The following ATAD2B variants were observed in gnomAD, a reference collection of about 807,000 sequenced individuals.
ATAD2B encodes the protein ATPase family AAA domain containing 2B.
A neutral mutation model predicts 167.6 loss-of-function variants in ATAD2B; 40 were observed. That is an observed-to-expected ratio of 0.24 (90% CI 0.19 to 0.31). The LOEUF is 0.31. Among genes scored for constraint, ATAD2B ranks in the 10% least tolerant of loss-of-function variants. ATAD2B has a pLI of 1.00. For missense variants in ATAD2B, 1,242 were observed against 1,757.2 expected (o/e 0.71, Z 5.24); for synonymous variants, 579 against 596.5 (o/e 0.97, Z 0.43).
chr2:23,853,287 T>C (rs1692860500), intron 13 of ATAD2B, among the ~76,000 whole-genome samples: 1 of 152,222 alleles, frequency 6.6e-6, no homozygotes, highest in Non-Finnish European at 1.5e-5. Flanking sequence ...GAAGTAGAAG[T>C]ACCTTTATTT....
chr2:23,875,866 C>A lies in ATAD2B; in HGVS notation c.940G>T (p.Asp314Tyr). 1 of 1,610,570 alleles carries A rather than the reference C, an allele frequency of 6.2e-7. No individual in the cohort carries two copies. The highest frequency in any genetic ancestry group is 1.1e-5 in the South Asian group (1 of 90,380). Residue 314 changes from aspartate (D) to tyrosine (Y), a missense_variant, in exon 8 of 28, where the codon GAT (aspartate) becomes TAT (tyrosine). Transcript: ENST00000238789. ...HQKKRENTLF[D>Y]IHRSPARRSH... ...CTTCTTGCTGGAGATCTATGAATAT[C>A]AAACAGCGTGTTTTCCCTCTTTTTT...
the ATAD2B span, chr2:23,696,792 A>G: frequency 2.8e-6 from 1 of 351,120 alleles, no homozygotes; most frequent in Non-Finnish European, 5.2e-6. This position sits in a 1 kb window ranked among gnomAD's most constrained non-coding sequence, Gnocchi z 5.5. Flanking sequence ...GACAAGCTGG[A>G]GGCCCAAGAT....
At chr2:23,707,049 A>T in the ATAD2B span, 1 of 161,244 alleles carries the variant, frequency 6.2e-6, no homozygotes, top group Non-Finnish European at 1.3e-5. Flanking sequence ...AACATTAGGC[A>T]TCAGGCTCTC....
At chr2:23,727,688 T>A in the ATAD2B span, among the ~76,000 whole-genome samples, 7 of 152,284 alleles carry the variant, frequency 4.6e-5, no homozygotes, top group South Asian at 1.2e-3. Context: ...GGTGAATGGA[T>A]AACAGACTCT....
At chr2:23,700,836 G>A in the ATAD2B span, among the ~76,000 whole-genome samples, 2 of 152,050 alleles carry the variant, frequency 1.3e-5, no homozygotes, top group African/African-American at 4.8e-5. The surrounding 1 kb of genome is among the most constrained non-coding windows in gnomAD (Gnocchi z 4.6). Flanking sequence ...TCACCTTCAG[G>A]GGCACAGCCA....
At chr2:23,902,254 C>CT (rs928350879) in intron 1 of ATAD2B, among the ~76,000 whole-genome samples, 3 of 152,068 alleles carry the variant, frequency 2.0e-5, no homozygotes, top group South Asian at 2.1e-4. Context: ...GGTATATTTA[C>CT]TTTTTTTGTC....
chr2:23,901,834 A>C (rs993581169), intron 1 of ATAD2B, among the ~76,000 whole-genome samples: 1 of 152,176 alleles, frequency 6.6e-6, no homozygotes, highest in Non-Finnish European at 1.5e-5. Flanking sequence ...ATCTGCAGGT[A>C]CTAGTTTCCC....
chr2:23,760,641 G>T (rs560555545), intron 24 of ATAD2B, among the ~76,000 whole-genome samples: 3 of 147,324 alleles, frequency 2.0e-5, no homozygotes, highest in South Asian at 4.4e-4. Flanking sequence ...TCCAGCCTGG[G>T]CAACAGAGAG....
At chr2:23,883,002 G>T (rs546201780) in intron 6 of ATAD2B, among the ~76,000 whole-genome samples, 2 of 151,624 alleles carry the variant, frequency 1.3e-5, no homozygotes, top group East Asian at 3.9e-4. Context: ...GGCTGGACAT[G>T]GTGGCTTACG....
intron 27 of ATAD2B, among the ~76,000 whole-genome samples, chr2:23,752,672 C>T (rs74800506): frequency 2.0e-5 from 3 of 152,070 alleles, no homozygotes; most frequent in East Asian, 3.9e-4. Flanking sequence ...ACTCCAGAGA[C>T]TGAGCCCTTC....
chr2:23,863,598 T>A, intron 11 of ATAD2B, 43 bp from the exon 12 acceptor site: 2 of 1,475,910 alleles, frequency 1.4e-6, no homozygotes, highest in Non-Finnish European at 1.8e-6. Flanking sequence ...TATATTATCA[T>A]CACTGCTGAT....
chr2:23,861,372 AT>A (rs1460268496), intron 12 of ATAD2B, among the ~76,000 whole-genome samples: 1 of 151,370 alleles, frequency 6.6e-6, no homozygotes, highest in Non-Finnish European at 1.5e-5. Context: ...AGATACAAAC[AT>A]TTTTCTGACA....
intron 22 of ATAD2B, among the ~76,000 whole-genome samples, chr2:23,775,039 G>A (rs980864636): frequency 2.5e-4 from 38 of 152,230 alleles, no homozygotes; most frequent in African/African-American, 8.9e-4. Context: ...AATAAAGGAT[G>A]AGGATAAGTA....
chr2:23,769,396 C>A (rs552816619), intron 22 of ATAD2B, among the ~76,000 whole-genome samples: 4 of 151,970 alleles, frequency 2.6e-5, no homozygotes, highest in Non-Finnish European at 4.4e-5. Flanking sequence ...GCCGAGACAG[C>A]GCCACTGCAC....
intron 1 of ATAD2B, 118 bp downstream of exon 1, chr2:23,926,437 T>C (rs1704831450): frequency 7.0e-7 from 1 of 1,428,592 alleles, no homozygotes; most frequent in South Asian, 1.5e-5. Context: ...GCAGACCCTG[T>C]CTCCAGCCGC....
chr2:23,682,852 G>A, the ATAD2B span, among the ~76,000 whole-genome samples: 4 of 151,786 alleles, frequency 2.6e-5, no homozygotes, highest in Admixed American at 2.6e-4. The surrounding 1 kb of genome is among the most constrained non-coding windows in gnomAD (Gnocchi z 4.1). Flanking sequence ...TGTGACTCCA[G>A]ACTCAGTGTG....
downstream of ATAD2B, among the ~76,000 whole-genome samples, chr2:23,746,788 A>G (rs1674908282): frequency 6.6e-6 from 1 of 152,200 alleles, no homozygotes; most frequent in African/African-American, 2.4e-5. Flanking sequence ...GAAAAAGCAG[A>G]GTTCCTGGCA....
At chr2:23,691,875 C>T in the ATAD2B span, 12 of 1,548,426 alleles carry the variant, frequency 7.7e-6, no homozygotes, top group Admixed American at 3.9e-5. Context: ...TGTCCTTTCT[C>T]GGTGAGCCCG....
At position 23,762,239 on chromosome 2, in the gene ATAD2B, C is replaced by T; in HGVS notation, c.3364G>A (p.Val1122Met). ...FRHKQRNPMD[V>M]WHNSANKCAF... ...CATTTATTTGCAGAGTTGTGCCACACATCCATTGGATTTCTTTGTTTGTGC... is the reference window on the plus strand; with the variant it reads ...CATTTATTTGCAGAGTTGTGCCACATATCCATTGGATTTCTTTGTTTGTGC... Residue 1122 changes from valine (V) to methionine (M), a missense_variant, in exon 24 of 28, where the codon GTG becomes ATG. Val to Met is a conservative substitution (Grantham distance 21). Coordinates refer to ENST00000238789, the MANE Select transcript of ATAD2B (RefSeq NM_017552.4). The T allele has an allele frequency of 4.3e-6, 7 of 1,613,678 alleles. No individual in the cohort carries two copies. Among genetic ancestry groups the T allele is most frequent in the Non-Finnish European group, 5.1e-6 (6 of 1,179,754 alleles).
Sources: gnomAD v4.1 joint callset for allele counts (sites outside exome capture counted in the v4.1 genomes callset) on GRCh38, gnomAD v4.1.1 for gene constraint, Gnocchi (gnomAD v3.1) non-coding constraint, MANE v1.5 for transcripts, NCBI Gene and HGNC (gene_info 2026-07-23, HGNC 2026-07-21) for gene names.